The following EXOC4 variants were observed in gnomAD, a reference collection of about 807,000 sequenced individuals.
EXOC4 encodes the protein exocyst complex component 4.
A neutral mutation model predicts 107.2 loss-of-function variants in EXOC4; 71 were observed. The observed-to-expected ratio is 0.66, with a 90% confidence interval of 0.55 to 0.81. The LOEUF (loss-of-function observed/expected upper bound fraction) is 0.81. Among genes scored for constraint, EXOC4 ranks in the 30% least tolerant of loss-of-function variants. EXOC4 has a pLI of 0.00. For missense variants in EXOC4, 1,108 were observed against 1,189.6 expected (o/e 0.93, Z 1.01); for synonymous variants, 456 against 441.2 (o/e 1.03, Z -0.42).
At chr7:133,508,751 T>C (rs1398318521) in intron 9 of EXOC4, among the ~76,000 whole-genome samples, 1 of 152,166 alleles carries the variant, frequency 6.6e-6, no homozygotes, top group Non-Finnish European at 1.5e-5. Flanking sequence ...GATGGGAAAG[T>C]AGGAAGAGGA....
chr7:133,916,959 G>T (rs1463597368), intron 12 of EXOC4, among the ~76,000 whole-genome samples: 2 of 152,144 alleles, frequency 1.3e-5, no homozygotes, highest in East Asian at 3.9e-4. Context: ...TAACCCATGG[G>T]CCCTATGAAA....
intron 9 of EXOC4, among the ~76,000 whole-genome samples, chr7:133,537,389 C>T (rs1357404308): frequency 1.3e-5 from 2 of 151,634 alleles, no homozygotes; most frequent in Non-Finnish European, 2.9e-5. Flanking sequence ...GAACTCCTGA[C>T]CTCAAGTCAT....
chr7:133,887,484 G>A (rs1165222990), intron 11 of EXOC4, among the ~76,000 whole-genome samples: 1 of 152,132 alleles, frequency 6.6e-6, no homozygotes, highest in Admixed American at 6.5e-5. Context: ...CACCTGAGAT[G>A]ACTTGAGAGC....
At chr7:133,685,222 C>T (rs1239944452) in intron 10 of EXOC4, among the ~76,000 whole-genome samples, 1 of 152,172 alleles carries the variant, frequency 6.6e-6, no homozygotes, top group African/African-American at 2.4e-5. Context: ...TCTCCATAAT[C>T]CCCACGTGTT....
At chr7:133,673,240 G>A (rs1172016556) in intron 10 of EXOC4, among the ~76,000 whole-genome samples, 3 of 152,166 alleles carry the variant, frequency 2.0e-5, no homozygotes, top group African/African-American at 7.2e-5. Flanking sequence ...TACTTAAAGG[G>A]AGTTAGTTTC....
chr7:133,986,958 T>C (rs1020611179), intron 14 of EXOC4, among the ~76,000 whole-genome samples: 2 of 152,124 alleles, frequency 1.3e-5, no homozygotes, highest in African/African-American at 4.8e-5. Context: ...CCTGTCACTG[T>C]CCCCACTGAC....
chr7:133,363,893 A>G (rs1796188297), intron 6 of EXOC4, among the ~76,000 whole-genome samples: 1 of 152,184 alleles, frequency 6.6e-6, no homozygotes, highest in Non-Finnish European at 1.5e-5. Context: ...GCAAAAATGA[A>G]CTAACAAACC....
At chr7:133,751,651 C>G (rs1795795214) in intron 10 of EXOC4, among the ~76,000 whole-genome samples, 1 of 152,102 alleles carries the variant, frequency 6.6e-6, no homozygotes, top group South Asian at 2.1e-4. Context: ...TCTTTTATTT[C>G]TGTCAAAACC....
At chr7:133,564,976 G>T (rs959950573) in intron 9 of EXOC4, among the ~76,000 whole-genome samples, 1 of 152,182 alleles carries the variant, frequency 6.6e-6, no homozygotes, top group South Asian at 2.1e-4. Context: ...CAACCTCGGG[G>T]TCTAACATGT....
At chr7:134,049,446 C>T (rs1364909238) in intron 17 of EXOC4, among the ~76,000 whole-genome samples, 7 of 152,202 alleles carry the variant, frequency 4.6e-5, no homozygotes, top group Non-Finnish European at 7.3e-5. Context: ...AACCACTTGT[C>T]GTTTTCCCCA....
chr7:133,652,383 A>T (rs186690229), intron 10 of EXOC4, among the ~76,000 whole-genome samples: 27 of 152,208 alleles, frequency 1.8e-4, no homozygotes, highest in Non-Finnish European at 2.9e-5. Flanking sequence ...AAGCTATTTA[A>T]TTGTCTTTAG....
intron 10 of EXOC4, among the ~76,000 whole-genome samples, chr7:133,761,831 A>G (rs771550059): frequency 1.3e-5 from 2 of 152,184 alleles, no homozygotes; most frequent in South Asian, 2.1e-4. Context: ...CCTGGGCCCA[A>G]TGATTTTTAC....
chr7:134,049,733 A>G (rs1795738310), intron 17 of EXOC4, among the ~76,000 whole-genome samples: 2 of 152,192 alleles, frequency 1.3e-5, no homozygotes, highest in South Asian at 2.1e-4. Flanking sequence ...AACAAGGACT[A>G]TGTTTTACTT....
intron 7 of EXOC4, among the ~76,000 whole-genome samples, chr7:133,439,123 G>A (rs1798042507): frequency 6.7e-6 from 1 of 148,302 alleles, no homozygotes. Flanking sequence ...CCTCGGTTTT[G>A]GTTTCCATCT....
intron 6 of EXOC4, among the ~76,000 whole-genome samples, chr7:133,368,112 G>C (rs1314123474): frequency 6.6e-6 from 1 of 152,180 alleles, no homozygotes; most frequent in Non-Finnish European, 1.5e-5. Flanking sequence ...ATGTGTTGTA[G>C]GAGAGATGTG....
rs1360834780 is a variant in EXOC4, at chr7:133,799,845, T to TCATTG, written c.1515-17476_1515-17475insGCATT. Reference sequence around the variant, plus strand: ...GAAGAAGGTATGGACTAGAGTTAGATCATTTCTAGAGATGGGACTTGTTTG... The same window carrying TCATTG: ...GAAGAAGGTATGGACTAGAGTTAGATCATTGCATTTCTAGAGATGGGACTTGTTTG... On this transcript the variant is annotated intron_variant, in intron 10 of 17. Coordinates refer to ENST00000253861, the MANE Select transcript of EXOC4 (RefSeq NM_021807.4). Among the ~76,000 whole-genome samples the TCATTG allele has an allele frequency of 2.6e-5, 4 of 152,294 alleles. No individual in the cohort carries two copies. The East Asian group carries it at 7.7e-4, about 29-fold the overall frequency.
chr7:134,051,438 C>T (rs371352350), intron 17 of EXOC4, among the ~76,000 whole-genome samples: 440 of 152,186 alleles, frequency 2.9e-3, no homozygotes, highest in African/African-American at 0.01. Context: ...TTCGGGAGGC[C>T]GAGGCAGGTG....
intron 10 of EXOC4, among the ~76,000 whole-genome samples, chr7:133,775,843 G>A (rs1796334316): frequency 6.6e-6 from 1 of 152,262 alleles, no homozygotes; most frequent in South Asian, 2.1e-4. Flanking sequence ...TACATTAGAA[G>A]AATTGAACTT....
At chr7:134,085,309 C>T in the EXOC4 span, among the ~76,000 whole-genome samples, 109 of 145,784 alleles carry the variant, frequency 7.5e-4, 1 homozygote, top group Middle Eastern at 3.4e-3. Flanking sequence ...CTTAAGAATA[C>T]GTGGCCAAAA....
Sources: gnomAD v4.1 joint callset for allele counts (sites outside exome capture counted in the v4.1 genomes callset) on GRCh38, gnomAD v4.1.1 for gene constraint, MANE v1.5 for transcripts, NCBI Gene and HGNC (gene_info 2026-07-23, HGNC 2026-07-21) for gene names.